The following TMEM131L variants were observed in gnomAD, a reference collection of about 807,000 sequenced individuals.
TMEM131L encodes transmembrane 131 like.
In TMEM131L, 54 loss-of-function variants were observed where a neutral mutation model predicts 192.2. That is an observed-to-expected ratio of 0.28 (90% confidence interval 0.23 to 0.35). The LOEUF is 0.35. TMEM131L is among the 10% of genes least tolerant of loss of function. The pLI, the probability that TMEM131L is intolerant of heterozygous loss-of-function variation, is 1.00. For missense variants in TMEM131L, 1,888 were observed against 1,972.9 expected, an observed-to-expected ratio of 0.96 and a Z score of 0.82; for synonymous variants, 701 against 704.9, an observed-to-expected ratio of 0.99 and a Z score of 0.09.
chr4:153,594,707 A>G (rs1480995009), intron 19 of TMEM131L, among the ~76,000 whole-genome samples: 4 of 152,196 alleles, frequency 2.6e-5, no homozygotes, highest in Non-Finnish European at 2.9e-5. Context: ...AAGGAGGGAG[A>G]CCACAGATAA....
intron 3 of TMEM131L, among the ~76,000 whole-genome samples, chr4:153,481,649 C>T (rs1324051670): frequency 6.6e-6 from 1 of 152,196 alleles, no homozygotes; most frequent in Non-Finnish European, 1.5e-5. Flanking sequence ...GATCCTCCAA[C>T]CTCAGCCTCT....
At chr4:153,564,222 G>A (rs2150544446) in intron 7 of TMEM131L, among the ~76,000 whole-genome samples, 1 of 148,180 alleles carries the variant, frequency 6.7e-6, no homozygotes, top group East Asian at 2.0e-4. Context: ...CCGGGAGGCG[G>A]AGGTTGCAGT....
At chr4:153,495,195 G>A (rs994554415) in intron 3 of TMEM131L, among the ~76,000 whole-genome samples, 5 of 152,050 alleles carry the variant, frequency 3.3e-5, no homozygotes, top group African/African-American at 9.7e-5. Context: ...TGCACCAGTA[G>A]TCCCAGCTAC....
intron 29 of TMEM131L, 50 bp downstream of exon 29, chr4:153,623,133 C>G: frequency 6.8e-7 from 1 of 1,473,246 alleles, no homozygotes; most frequent in South Asian, 1.3e-5. Flanking sequence ...TTCCCTCTGC[C>G]CTCCCACGTA....
rs578002254 is a variant in TMEM131L at position 153,592,691 on chromosome 4, C to T, written c.1922+107C>T. 8.8e-6 allele frequency: 7 copies of T among 797,432 alleles called. No homozygotes were observed. In the South Asian group the frequency reaches 8.8e-5, roughly 10 times the overall value. 49.4% of individuals were successfully genotyped at this position (797,432 alleles called of 1,614,324 possible). A position where few individuals can be genotyped will look rare whatever the true frequency, so the allele number is the denominator to read the frequency against. On this transcript the variant is annotated intron_variant, in intron 18 of 34. Coordinates refer to ENST00000409959, the MANE Select transcript of TMEM131L (RefSeq NM_001131007.2). ...ACCAGGACCTGTGTGTGGATGTGGA[C>T]ACAGTATTAACCGATTAGCTCATGG...
chr4:153,615,230 G>T (rs892979279), intron 26 of TMEM131L, among the ~76,000 whole-genome samples: 1 of 152,206 alleles, frequency 6.6e-6, no homozygotes, highest in Non-Finnish European at 1.5e-5. Context: ...AATTACCTTA[G>T]AATGGCAGCA....
chr4:153,620,489 G>T (rs1320729233), intron 26 of TMEM131L, among the ~76,000 whole-genome samples: 1 of 152,204 alleles, frequency 6.6e-6, no homozygotes, highest in East Asian at 1.9e-4. Context: ...ACAGCAAGCT[G>T]GTCATAAATT....
intron 6 of TMEM131L, among the ~76,000 whole-genome samples, chr4:153,557,581 A>G (rs888459845): frequency 3.3e-5 from 5 of 152,186 alleles, no homozygotes; most frequent in African/African-American, 9.7e-5. Context: ...TCTTGTTGCT[A>G]TTCTCAGAAA....
At chr4:153,494,557 A>AT (rs1424445400) in intron 3 of TMEM131L, among the ~76,000 whole-genome samples, 1 of 152,212 alleles carries the variant, frequency 6.6e-6, no homozygotes, top group African/African-American at 2.4e-5. Flanking sequence ...AACTCACAAT[A>AT]AGGGGAAACA....
At chr4:153,565,043 AC>A (rs768557401) in intron 7 of TMEM131L, among the ~76,000 whole-genome samples, 4 of 152,032 alleles carry the variant, frequency 2.6e-5, no homozygotes, top group Non-Finnish European at 1.5e-5. Context: ...ATCCTTCAAG[AC>A]CCAGTTCAGA....
At chr4:153,575,037 T>A (rs774126684) in intron 7 of TMEM131L, among the ~76,000 whole-genome samples, 9 of 152,362 alleles carry the variant, frequency 5.9e-5, no homozygotes, top group Non-Finnish European at 1.2e-4. Flanking sequence ...TAAAAAGGTT[T>A]CATGTGGTTA....
chr4:153,532,984 C>CTTTTTTTTTTTTTTTTT (rs70963190), intron 3 of TMEM131L, among the ~76,000 whole-genome samples: 20 of 129,680 alleles, frequency 1.5e-4, no homozygotes, highest in African/African-American at 5.7e-4. Context: ...TTTCTCAATT[C>CTTTTTTTTTTTTTTTTT]TTTTTTTTTT....
intron 15 of TMEM131L, 46 bp downstream of exon 15, chr4:153,587,857 G>A: frequency 7.5e-7 from 1 of 1,341,684 alleles, no homozygotes; most frequent in Non-Finnish European, 1.1e-6. Flanking sequence ...TAGTTTGGGG[G>A]ATGGGAAATA....
At chr4:153,620,987 A>T (rs569360318) in intron 27 of TMEM131L, 107 bp downstream of exon 27, 23 of 735,104 alleles carry the variant, frequency 3.1e-5, no homozygotes, top group Non-Finnish European at 5.2e-5. Flanking sequence ...GATACCGATA[A>T]TATGAGAGTG....
chr4:153,476,679 A>G (rs1731563276), intron 3 of TMEM131L, among the ~76,000 whole-genome samples: 1 of 152,198 alleles, frequency 6.6e-6, no homozygotes, highest in South Asian at 2.1e-4. Flanking sequence ...CCTGGGAGAC[A>G]GATTCCATCT....
chr4:153,488,074 C>G (rs184342798), intron 3 of TMEM131L, among the ~76,000 whole-genome samples: 22 of 145,992 alleles, frequency 1.5e-4, no homozygotes, highest in Admixed American at 4.8e-4. Flanking sequence ...TGAGAGAGAC[C>G]CTGGTGAGCC....
chr4:153,556,600 A>G (rs1180717535), intron 5 of TMEM131L, among the ~76,000 whole-genome samples: 1 of 152,098 alleles, frequency 6.6e-6, no homozygotes, highest in Non-Finnish European at 1.5e-5. Flanking sequence ...GTTGTTCCTG[A>G]TTTTTATTAC....
rs148807516 is a variant in TMEM131L, at chr4:153,615,371, C to T, written c.3567+2971C>T. On this transcript the variant is annotated intron_variant, in intron 26 of 34. Transcript: ENST00000409959. ...AGTGGGAGGTGGGGAACTAGAGCTT[C>T]GGCAACAAGTTAGGCCTGGAGCTTG... is the stretch of plus-strand genomic sequence containing the variant. Among the ~76,000 whole-genome samples the T allele has an allele frequency of 1.2e-4, 19 of 152,282 alleles. No individual in the cohort carries two copies. The East Asian group carries it at 3.1e-3, about 25-fold the overall frequency.
intron 7 of TMEM131L, among the ~76,000 whole-genome samples, chr4:153,572,555 T>A (rs935101572): frequency 3.3e-5 from 5 of 152,130 alleles, no homozygotes; most frequent in African/African-American, 1.2e-4. Context: ...GGTCTTGAAC[T>A]CCTGAACTCA....
Sources: gnomAD v4.1 joint callset for allele counts (sites outside exome capture counted in the v4.1 genomes callset) on GRCh38, gnomAD v4.1.1 for gene constraint, MANE v1.5 for transcripts, NCBI Gene and HGNC (gene_info 2026-07-23, HGNC 2026-07-21) for gene names.